The following LIN54 variants were observed in gnomAD, a reference collection of about 807,000 sequenced individuals.
The protein encoded by LIN54 is lin-54 DREAM MuvB core complex component, also known as protein lin-54 homolog.
A neutral mutation model predicts 78.7 loss-of-function variants in LIN54; 9 were observed. That is an observed-to-expected ratio of 0.11 (90% CI 0.07 to 0.20). The LOEUF (loss-of-function observed/expected upper bound fraction) is 0.20. Ranked by LOEUF, LIN54 falls within the 10% of genes least tolerant of loss-of-function variation. LIN54 has a pLI of 1.00. For synonymous variants in LIN54, 269 were observed against 318.4 expected (o/e 0.84, Z 1.65); for missense variants, 573 against 889.9 (o/e 0.64, Z 4.53).
chr4:82,980,000 G>A (rs1578598355), intron 2 of LIN54, among the ~76,000 whole-genome samples: 1 of 146,424 alleles, frequency 6.8e-6, no homozygotes, highest in East Asian at 2.0e-4. Flanking sequence ...AGACTGGAGT[G>A]CAGTGGTGCA....
In LIN54 at chr4:82,927,823, CAGAAAG is replaced by C. The variant is rs1560709811; in HGVS notation, c.*273_*278del. ...TATAAACATTTTTTGTCAAAGGTAT[CAGAAAG>C]AGAACATCTAATTCTTAAGAAACCC... On this transcript the variant is annotated 3_prime_UTR_variant, in exon 13 of 13. Coordinates refer to ENST00000340417, the MANE Select transcript of LIN54 (RefSeq NM_194282.4). 3.0e-6 allele frequency: 1 copy of C among 335,024 alleles called. No individual in the cohort carries two copies. Among genetic ancestry groups the C allele is most frequent in the African/African-American group, 2.1e-5 (1 of 47,052 alleles). The allele number at this position is 335,024 out of a possible 1,614,324, so 20.8% of individuals were successfully genotyped here.
chr4:83,012,005 T>C, upstream of LIN54: 1 of 984,876 alleles, frequency 1.0e-6, no homozygotes, highest in Non-Finnish European at 1.2e-6. Flanking sequence ...GAAAAAGTCA[T>C]TTCATTTCCC....
chr4:82,930,035 T>C (rs915825082), intron 12 of LIN54, among the ~76,000 whole-genome samples: 2 of 152,000 alleles, frequency 1.3e-5, no homozygotes, highest in South Asian at 2.1e-4. Flanking sequence ...GTAGCTGGGA[T>C]TACAGGCGCA....
At chr4:82,977,734 A>T (rs893587053) in intron 3 of LIN54, among the ~76,000 whole-genome samples, 1 of 152,232 alleles carries the variant, frequency 6.6e-6, no homozygotes, top group Non-Finnish European at 1.5e-5. Flanking sequence ...GGGATGGGTA[A>T]TTAGGATTTG....
intron 4 of LIN54, among the ~76,000 whole-genome samples, chr4:82,965,678 T>C (rs534873611): frequency 1.3e-5 from 2 of 152,112 alleles, no homozygotes; most frequent in Non-Finnish European, 2.9e-5. Flanking sequence ...AAGAGAGGCA[T>C]GGGTGGAAAA....
At chr4:82,967,716 C>A (rs1156642921) in intron 4 of LIN54, among the ~76,000 whole-genome samples, 2 of 152,204 alleles carry the variant, frequency 1.3e-5, no homozygotes, top group African/African-American at 2.4e-5. Flanking sequence ...TCCAAAAAAA[C>A]CATCCTGAGT....
At chr4:82,960,704 G>A (rs1044576846) in intron 4 of LIN54, among the ~76,000 whole-genome samples, 3 of 152,124 alleles carry the variant, frequency 2.0e-5, no homozygotes, top group Admixed American at 2.0e-4. Context: ...TTACACAGAT[G>A]TATGCATTTT....
chr4:82,925,943 A>G lies in LIN54; in HGVS notation c.*2159T>C, dbSNP rs1721434229. ...TTCATCTTGTTCAGCAATTTGATGC[A>G]AATGCCTGAATACAAAAAGTTATTT... is the stretch of plus-strand genomic sequence containing the variant. On this transcript the variant is annotated 3_prime_UTR_variant, in exon 13 of 13. Coordinates refer to ENST00000340417, the MANE Select transcript of LIN54 (RefSeq NM_194282.4). The G allele has an allele frequency of 6.6e-6, 1 of 152,644 alleles. No homozygotes were observed. The highest frequency in any genetic ancestry group is 2.1e-4 in the South Asian group (1 of 4,836). The allele number at this position is 152,644 out of a possible 1,614,324, so 9.5% of individuals were successfully genotyped here. A position where few individuals can be genotyped will look rare whatever the true frequency, so the allele number is the denominator to read the frequency against.
In LIN54 at chr4:82,927,821, A is replaced by T; in HGVS notation, c.*281T>A. 1 of 310,470 alleles carries T rather than the reference A, an allele frequency of 3.2e-6. No individual in the cohort carries two copies. The highest frequency in any genetic ancestry group is 5.6e-6 in the Non-Finnish European group (1 of 178,328). The allele number at this position is 310,470 out of a possible 1,614,324, so 19.2% of individuals were successfully genotyped here. ...TTTATAAACATTTTTTGTCAAAGGTATCAGAAAGAGAACATCTAATTCTTA... is the reference window on the plus strand; with the variant it reads ...TTTATAAACATTTTTTGTCAAAGGTTTCAGAAAGAGAACATCTAATTCTTA... On this transcript the variant is annotated 3_prime_UTR_variant, in exon 13 of 13. Coordinates refer to ENST00000340417, the MANE Select transcript of LIN54 (RefSeq NM_194282.4).
chr4:82,996,580 AT>A (rs1387790306), intron 1 of LIN54, among the ~76,000 whole-genome samples: 1 of 151,702 alleles, frequency 6.6e-6, no homozygotes, highest in Non-Finnish European at 1.5e-5. Context: ...TAATTTTTGT[AT>A]TTTTAGTAGA....
At chr4:82,942,850 GTGTGCGCGCGCACACACA>G (rs1723020986) in intron 5 of LIN54, among the ~76,000 whole-genome samples, 1 of 74,724 alleles carries the variant, frequency 1.3e-5, no homozygotes, top group African/African-American at 9.3e-5. Context: ...AAATGTGTGC[GTGTGCGCGCGCACACACA>G]CACACACACA....
At chr4:82,959,010 A>G (rs1450313501) in intron 4 of LIN54, among the ~76,000 whole-genome samples, 2 of 151,822 alleles carry the variant, frequency 1.3e-5, no homozygotes, top group East Asian at 4.1e-4. Context: ...CCTATTTAAT[A>G]TGTTTTTAAA....
At chr4:82,942,860 G>GCACACA (rs1214264708) in intron 5 of LIN54, among the ~76,000 whole-genome samples, 2 of 38,512 alleles carry the variant, frequency 5.2e-5, no homozygotes, top group African/African-American at 3.5e-4. Flanking sequence ...GTGTGCGCGC[G>GCACACA]CACACACACA....
intron 1 of LIN54, among the ~76,000 whole-genome samples, chr4:82,990,762 C>A (rs977187330): frequency 1.3e-5 from 2 of 152,146 alleles, no homozygotes; most frequent in African/African-American, 4.8e-5. Flanking sequence ...GGATTACAGG[C>A]GTGAGCCACC....
rs879715355 is a variant in LIN54, at chr4:82,998,310, T to C, written c.-33+12174A>G. Among the ~76,000 whole-genome samples, 704 of 151,364 alleles carry C rather than the reference T, an allele frequency of 4.7e-3. 5 individuals are homozygous for C. Among genetic ancestry groups the C allele is most frequent in the Non-Finnish European group, 6.8e-3 (458 of 67,596 alleles). ...CTGTAATCCCAGCACTTTGGGAGGCTGAGGCGGACAGATCACGAGGTCAGG... is the reference window on the plus strand; with the variant it reads ...CTGTAATCCCAGCACTTTGGGAGGCCGAGGCGGACAGATCACGAGGTCAGG... On this transcript the variant is annotated intron_variant, in intron 1 of 12. Transcript: ENST00000340417.
At chr4:82,996,294 G>A (rs775357347) in intron 1 of LIN54, among the ~76,000 whole-genome samples, 4 of 152,060 alleles carry the variant, frequency 2.6e-5, no homozygotes, top group Non-Finnish European at 4.4e-5. Context: ...CTCTTCATAG[G>A]CTAAAAGAGC....
chr4:82,950,930 G>A (rs1219186968), intron 4 of LIN54, among the ~76,000 whole-genome samples: 4 of 152,012 alleles, frequency 2.6e-5, no homozygotes, highest in South Asian at 2.1e-4. Context: ...ATTTTGATAC[G>A]TATTTGTAGA....
chr4:82,953,432 C>T (rs545754430), intron 4 of LIN54, among the ~76,000 whole-genome samples: 1 of 152,190 alleles, frequency 6.6e-6, no homozygotes, highest in South Asian at 2.1e-4. Flanking sequence ...AAAGATGGTA[C>T]ATCCTATATT....
chr4:82,998,077 T>TAC (rs1296723689), intron 1 of LIN54, among the ~76,000 whole-genome samples: 2 of 145,982 alleles, frequency 1.4e-5, no homozygotes, highest in Non-Finnish European at 3.0e-5. Flanking sequence ...TATATATATA[T>TAC]ACTAAATGAC....
Sources: gnomAD v4.1 joint callset for allele counts (sites outside exome capture counted in the v4.1 genomes callset) on GRCh38, gnomAD v4.1.1 for gene constraint, MANE v1.5 for transcripts, NCBI Gene and HGNC (gene_info 2026-07-23, HGNC 2026-07-21) for gene names.